SMC3: variants seen among roughly 807,000 people sequenced by gnomAD.
SMC3 encodes the protein structural maintenance of chromosomes 3.
A neutral mutation model predicts 171.8 loss-of-function variants in SMC3; 20 were observed. The observed-to-expected ratio is 0.12, with a 90% CI of 0.08 to 0.17. The LOEUF is 0.17. SMC3 is among the 10% of genes least tolerant of loss of function. SMC3 has a pLI of 1.00. For missense variants in SMC3, 543 were observed against 1,420.4 expected (o/e 0.38, Z 9.93); for synonymous variants, 464 against 451.1 (o/e 1.03, Z -0.36).
At chr10:110,597,504 T>C (rs1861318583) in intron 19 of SMC3, among the ~76,000 whole-genome samples, 1 of 152,248 alleles carries the variant, frequency 6.6e-6, no homozygotes, top group East Asian at 1.9e-4. Flanking sequence ...GGAATTTTTT[T>C]AAAACTGCAG....
At chr10:110,604,027 G>A (rs1308016585) in intron 28 of SMC3, among the ~76,000 whole-genome samples, 2 of 147,806 alleles carry the variant, frequency 1.4e-5, no homozygotes, top group East Asian at 2.0e-4. Context: ...CCTGGGAGGC[G>A]GAGGTAGCAG....
chr10:110,590,244 G>T (rs1861184770), intron 15 of SMC3, among the ~76,000 whole-genome samples, 168 bp from the exon 16 acceptor site: 1 of 152,212 alleles, frequency 6.6e-6, no homozygotes, highest in South Asian at 2.1e-4. Context: ...ATCATATAAG[G>T]TGTTACATGT....
At chr10:110,588,241 C>T (rs923577799) in intron 13 of SMC3, among the ~76,000 whole-genome samples, 2 of 152,198 alleles carry the variant, frequency 1.3e-5, no homozygotes, top group African/African-American at 2.4e-5. Context: ...CTGCCCACCT[C>T]GGCCTCCCAA....
intron 19 of SMC3, 83 bp from the exon 20 acceptor site, chr10:110,598,056 G>A: frequency 8.0e-7 from 1 of 1,253,136 alleles, no homozygotes; most frequent in Admixed American, 1.8e-5. Flanking sequence ...AAAAGGAAGG[G>A]ATACATGGTG....
At chr10:110,578,546 T>C in intron 6 of SMC3, 82 bp from the exon 7 acceptor site, 1 of 964,396 alleles carries the variant, frequency 1.0e-6, no homozygotes, top group East Asian at 2.6e-5. Flanking sequence ...CCTAATGCTA[T>C]CAACCAAGGG....
At chr10:110,567,857 C>A (rs756537443) in intron 1 of SMC3, 26 bp downstream of exon 1, 4 of 1,613,134 alleles carry the variant, frequency 2.5e-6, no homozygotes, top group Non-Finnish European at 3.4e-6. Flanking sequence ...CCCTCCACCC[C>A]GTCATGGGCC....
rs10639343 is a variant in SMC3, at chr10:110,595,917, CT to C, written c.1964-459del. On this transcript the variant is annotated intron_variant, in intron 18 of 28. Transcript: ENST00000361804. ...AGATGTTCAGGTTCAACTGGAGGTT[CT>C]TTTTTTTTTTTTTTTTTTTTTAAAG... Among the ~76,000 whole-genome samples the C allele has an allele frequency of 2.1e-3, 213 of 101,598 alleles. 3 individuals carry two copies. The highest frequency in any genetic ancestry group is 4.2e-3 in the African/African-American group (106 of 25,186). The allele number at this position is 101,598 out of a possible 152,430, so 66.7% of individuals were successfully genotyped here. A position where few individuals can be genotyped will look rare whatever the true frequency, so the allele number is the denominator to read the frequency against.
Position 110,568,767 on chromosome 10 carries a change from C to CT in SMC3, c.16-158dup, listed in dbSNP as rs35132779. Among the ~76,000 whole-genome samples the CT allele has an allele frequency of 0.15, 22,121 of 143,088 alleles. 1,751 individuals carry two copies. Among genetic ancestry groups the CT allele is most frequent in the East Asian group, 0.28 (1,392 of 5,000 alleles). The allele number at this position is 143,088 out of a possible 152,430, so 93.9% of individuals were successfully genotyped here. A position where few individuals can be genotyped will look rare whatever the true frequency, so the allele number is the denominator to read the frequency against. ...TGGCAAAGATTACCGATAAAAGTAC[C>CT]TTTTTTTTTTTTTAGCAGATTTTTA... On this transcript the variant is annotated intron_variant, in intron 1 of 28. Transcript: ENST00000361804.
chr10:110,579,259 A>C (rs371450721), intron 7 of SMC3, among the ~76,000 whole-genome samples: 1 of 152,030 alleles, frequency 6.6e-6, no homozygotes, highest in Non-Finnish European at 1.5e-5. Flanking sequence ...CTTATTTTAT[A>C]CTGTAGGCCT....
intron 4 of SMC3, among the ~76,000 whole-genome samples, chr10:110,576,559 T>A (rs1391650079): frequency 6.6e-6 from 1 of 152,218 alleles, no homozygotes; most frequent in East Asian, 1.9e-4. Context: ...GAATATTGTT[T>A]ATTAAAGACT....
At chr10:110,597,560 T>G (rs1188853977) in intron 19 of SMC3, among the ~76,000 whole-genome samples, 2 of 152,154 alleles carry the variant, frequency 1.3e-5, no homozygotes, top group Non-Finnish European at 1.5e-5. Context: ...AAAAGAAAAA[T>G]AAGCACCTGA....
rs954876591 is a variant in SMC3 at position 110,598,080 on chromosome 10, G to A, written c.2117-59G>A. 2.0e-6 allele frequency: 3 copies of A among 1,494,748 alleles called. No homozygotes were observed. The Admixed American group carries it at 5.2e-5, about 26-fold the overall frequency. 92.6% of individuals were successfully genotyped at this position (1,494,748 alleles called of 1,614,324 possible). On this transcript the variant is annotated intron_variant, in intron 19 of 28. Transcript: ENST00000361804. ...GGATACATGGTGTTGTGTCTAAAAA[G>A]AATTAAGAACATACGATATATTTAC...
At chr10:110,578,076 C>T (rs1248266977) in intron 6 of SMC3, among the ~76,000 whole-genome samples, 162 bp downstream of exon 6, 4 of 152,062 alleles carry the variant, frequency 2.6e-5, no homozygotes, top group Non-Finnish European at 5.9e-5. Flanking sequence ...GCCCAGCCAG[C>T]ATTTTTCTTT....
chr10:110,598,299 GTA>G lies in SMC3; in HGVS notation c.2268+13_2268+14del. The G allele has an allele frequency of 6.2e-7, 1 of 1,612,388 alleles. No individual in the cohort carries two copies. Among genetic ancestry groups the G allele is most frequent in the Non-Finnish European group, 8.5e-7 (1 of 1,178,574 alleles). ...AAACCTTCATGCCTAAGGTTCGTAA[GTA>G]TATCTTTGGTTATAGATCGATTGTT... On this transcript the variant is annotated intron_variant, in intron 20 of 28. Transcript: ENST00000361804.
chr10:110,584,051 T>C (rs1861071288), intron 12 of SMC3, 89 bp downstream of exon 12: 1 of 1,534,992 alleles, frequency 6.5e-7, no homozygotes. Flanking sequence ...TAGTAGCTGC[T>C]TTTTACACTT....
At chr10:110,591,941 G>T (rs1027006334) in intron 17 of SMC3, among the ~76,000 whole-genome samples, 1 of 152,098 alleles carries the variant, frequency 6.6e-6, no homozygotes, top group African/African-American at 2.4e-5. Flanking sequence ...AGTACATGGA[G>T]CGTGGTTCCA....
chr10:110,583,885 A>G lies in SMC3; in HGVS notation c.1014A>G (p.Glu338=), dbSNP rs1169517412. 11 of 1,613,640 alleles carry G rather than the reference A, an allele frequency of 6.8e-6. No homozygotes were observed. The highest frequency in any genetic ancestry group is 8.5e-6 in the Non-Finnish European group (10 of 1,179,770). ...GGCAGAAGCTGCTTGAAAAAATAGA[A>G]GAAAAGCAGAAAGAACTGGCAGAAA... The part of the protein sequence containing the change: ...KERQKLLEKI[E]EKQKELAETE... Residue 338 remains glutamate, a synonymous_variant, in exon 12 of 29, where the codon GAA becomes GAG. Coordinates refer to ENST00000361804, the MANE Select transcript of SMC3 (RefSeq NM_005445.4).
At chr10:110,596,940 CAT>C (rs1157704638) in intron 19 of SMC3, among the ~76,000 whole-genome samples, 3 of 151,164 alleles carry the variant, frequency 2.0e-5, no homozygotes, top group Admixed American at 2.0e-4. Context: ...GTGGGGGCGG[CAT>C]CAGTAATGTT....
chr10:110,584,487 T>A, intron 13 of SMC3, 91 bp downstream of exon 13: 2 of 868,402 alleles, frequency 2.3e-6, no homozygotes, highest in Non-Finnish European at 3.7e-6. Context: ...TTTAAATAAG[T>A]CTACATGTTG....
Sources: allele counts gnomAD v4.1 joint callset (sites outside exome capture counted in the v4.1 genomes callset), GRCh38; gene constraint gnomAD v4.1.1; transcripts MANE v1.5; gene names NCBI Gene and HGNC (gene_info 2026-07-23, HGNC 2026-07-21).